The following ALDH3A2 variants were observed in gnomAD, a reference collection of about 807,000 sequenced individuals.
ALDH3A2 encodes the protein aldehyde dehydrogenase 3 family member A2.
Under a neutral mutation model 51.3 loss-of-function variants are expected in ALDH3A2, and 36 were observed. The observed-to-expected ratio is 0.70, with a 90% CI of 0.54 to 0.93. The LOEUF (loss-of-function observed/expected upper bound fraction) is 0.93. Among genes scored for constraint, ALDH3A2 ranks in the 40% least tolerant of loss-of-function variants. ALDH3A2 has a pLI of 0.00. For synonymous variants in ALDH3A2, 199 were observed against 219.8 expected, an observed-to-expected ratio of 0.91 and a Z score of 0.84; for missense variants, 552 against 603.1, an observed-to-expected ratio of 0.92 and a Z score of 0.89.
At chr17:19,667,618 G>A (rs142725139) in intron 8 of ALDH3A2, among the ~76,000 whole-genome samples, 2,162 of 152,044 alleles carry the variant, frequency 0.014, 54 homozygotes, top group African/African-American at 0.049. Flanking sequence ...GAGTGCAGTG[G>A]TGTGATCTCA....
chr17:19,665,376 CGT>C (rs34642385), intron 8 of ALDH3A2, among the ~76,000 whole-genome samples: 39,751 of 144,390 alleles, frequency 0.28, 5,421 homozygotes, highest in East Asian at 0.41. Context: ...GATCTCTCTT[CGT>C]GTGTGTGTGT....
At chr17:19,675,444 GTC>G (rs2085175098) in intron 9 of ALDH3A2, 112 bp from the exon 10 acceptor site, 1 of 1,072,586 alleles carries the variant, frequency 9.3e-7, no homozygotes, top group East Asian at 2.4e-5. Context: ...TGCATGTAGA[GTC>G]TCTTCAGACA....
At chr17:19,674,531 A>T (rs2099498006) in intron 9 of ALDH3A2, 1 of 152,234 alleles carries the variant, frequency 6.6e-6, no homozygotes, top group Non-Finnish European at 1.5e-5. Flanking sequence ...TTCCTGGCTC[A>T]ATGAACTTGG....
In ALDH3A2 at chr17:19,675,325, C is replaced by T. The variant is rs1000414888; in HGVS notation, c.1444-233C>T. On this transcript the variant is annotated intron_variant, in intron 9 of 9. Transcript: ENST00000176643. Reference sequence around the variant, plus strand: ...GGACAGAATATAGCCTTCATTATCACGTTGTCTTACTCTTATTGTTATTGT... The same window carrying T: ...GGACAGAATATAGCCTTCATTATCATGTTGTCTTACTCTTATTGTTATTGT... 6 of 559,712 alleles carry T rather than the reference C, an allele frequency of 1.1e-5. No individual in the cohort carries two copies. The Admixed American group carries it at 1.9e-4, about 18-fold the overall frequency. 34.7% of individuals were successfully genotyped at this position (559,712 alleles called of 1,614,324 possible). A position where few individuals can be genotyped will look rare whatever the true frequency, so the allele number is the denominator to read the frequency against.
chr17:19,671,657 G>A, intron 8 of ALDH3A2, 64 bp from the exon 9 acceptor site: 1 of 1,433,436 alleles, frequency 7.0e-7, no homozygotes, highest in African/African-American at 1.4e-5. Flanking sequence ...CCCGGTCGTT[G>A]TTAGACAGAA....
At chr17:19,656,161 A>G (rs572036205) in intron 3 of ALDH3A2, 69 of 609,720 alleles carry the variant, frequency 1.1e-4, no homozygotes, top group Middle Eastern at 4.4e-4. Flanking sequence ...GATTAGTTCT[A>G]TGTGGGTTCA....
rs375910791 is a variant in ALDH3A2, at chr17:19,651,664, A to G, written c.271A>G (p.Met91Val). 3 of 1,614,114 alleles carry G rather than the reference A, an allele frequency of 1.9e-6. No individual in the cohort carries two copies. The highest frequency in any genetic ancestry group is 1.7e-6 in the Non-Finnish European group (2 of 1,180,040). ...ACCAGTTAAGAAGAACGTGCTCACC[A>G]TGCTGGATGAGGCCTATATTCAGCC... Reference protein sequence around the residue: ...AKPVKKNVLTMLDEAYIQPQP... With the variant: ...AKPVKKNVLTVLDEAYIQPQP... The change falls in exon 2 of 10, where the codon ATG (methionine) becomes GTG (valine). Residue 91 changes from methionine (M) to valine (V), a missense_variant. Transcript: ENST00000176643.
At chr17:19,670,590 T>C (rs1425105793) in intron 8 of ALDH3A2, among the ~76,000 whole-genome samples, 7 of 146,856 alleles carry the variant, frequency 4.8e-5, no homozygotes, top group Non-Finnish European at 1.0e-4. Context: ...TGAGACGGAG[T>C]CTCGCTCTGT....
At chr17:19,663,897 C>T (rs1386288753) in intron 7 of ALDH3A2, among the ~76,000 whole-genome samples, 2 of 152,196 alleles carry the variant, frequency 1.3e-5, no homozygotes, top group African/African-American at 4.8e-5. Flanking sequence ...ACAAAGACCC[C>T]GACACTGTCA....
At chr17:19,660,613 T>A (rs2084953707) in intron 5 of ALDH3A2, among the ~76,000 whole-genome samples, 1 of 152,228 alleles carries the variant, frequency 6.6e-6, no homozygotes, top group South Asian at 2.1e-4. Flanking sequence ...GTGGTGGAAA[T>A]ACCAGTTCAA....
intron 9 of ALDH3A2, chr17:19,673,225 GC>G: frequency 6.2e-7 from 1 of 1,614,178 alleles, no homozygotes; most frequent in Non-Finnish European, 8.5e-7. Flanking sequence ...GGTCCAGTAA[GC>G]AGAGATGAAC....
intron 2 of ALDH3A2, among the ~76,000 whole-genome samples, chr17:19,652,286 T>C (rs1477796744): frequency 1.3e-5 from 2 of 151,916 alleles, no homozygotes; most frequent in Admixed American, 1.3e-4. Flanking sequence ...AGGGCAGAAG[T>C]GGGAGAAAAG....
Position 19,671,706 on chromosome 17 carries a change from T to C in ALDH3A2, c.1208-15T>C. The C allele has an allele frequency of 6.2e-7, 1 of 1,605,910 alleles. No individual in the cohort carries two copies. The highest frequency in any genetic ancestry group is 1.3e-5 in the African/African-American group (1 of 74,916). ...TCTACAGTGAAGCTTGTTTTGTCTG[T>C]TCCCTTTATTTCAGGTTCCAGTGGG... On this transcript the variant is annotated splice_polypyrimidine_tract_variant and intron_variant, in intron 8 of 9. Coordinates refer to ENST00000176643, the MANE Select transcript of ALDH3A2 (RefSeq NM_000382.3).
intron 1 of ALDH3A2, chr17:19,649,505 T>A (rs115628652): frequency 0.012 from 2,210 of 187,384 alleles, 57 homozygotes; most frequent in African/African-American, 0.049. Flanking sequence ...TTAAGCCAAA[T>A]TTAGCAGTGG....
At chr17:19,661,032 A>C (rs749510354) in intron 5 of ALDH3A2, 95 bp from the exon 6 acceptor site, 9 of 1,241,798 alleles carry the variant, frequency 7.2e-6, no homozygotes, top group Non-Finnish European at 1.0e-5. Flanking sequence ...AGGATATAAA[A>C]CCAGATTGAT....
intron 3 of ALDH3A2, chr17:19,656,058 G>A (rs2072333): frequency 0.23 from 89,898 of 396,114 alleles, 11,182 homozygotes; most frequent in East Asian, 0.4. Context: ...GCACACACCC[G>A]CGTCTCATGC....
At chr17:19,669,226 C>CT (rs1360084433) in intron 8 of ALDH3A2, among the ~76,000 whole-genome samples, 6 of 152,092 alleles carry the variant, frequency 3.9e-5, no homozygotes, top group Admixed American at 3.9e-4. Flanking sequence ...TCGCTTGAAC[C>CT]TGGGAGGCGG....
At position 19,656,530 on chromosome 17, in the gene ALDH3A2, T is replaced by TC. The variant is rs1415363358; in HGVS notation, c.638dup (p.Cys214MetfsTer4). ...TGACTCTTGAACTGGGAGGGAAAAG[T>TC]CCATGTTATATTGATAAAGATTGTG... On this transcript the variant is annotated frameshift_variant, in exon 4 of 10. Coordinates refer to ENST00000176643, the MANE Select transcript of ALDH3A2 (RefSeq NM_000382.3). LOFTEE classifies it high-confidence loss of function. 6.2e-7 allele frequency: 1 copy of TC among 1,614,014 alleles called. No individual in the cohort carries two copies. The highest frequency in any genetic ancestry group is 1.1e-5 in the South Asian group (1 of 91,038).
chr17:19,673,100 T>C (rs2085139976), intron 9 of ALDH3A2: 3 of 1,612,428 alleles, frequency 1.9e-6, no homozygotes, highest in Non-Finnish European at 2.5e-6. Flanking sequence ...ATCCCAGCCT[T>C]AGTGGAATTG....
Sources: allele counts gnomAD v4.1 joint callset (sites outside exome capture counted in the v4.1 genomes callset), GRCh38; gene constraint gnomAD v4.1.1; transcripts MANE v1.5; gene names NCBI Gene and HGNC (gene_info 2026-07-23, HGNC 2026-07-21).